Variants in C12orf42 observed in about 807,000 individuals in gnomAD.
C12orf42 encodes chromosome 12 open reading frame 42.
Under a neutral mutation model 21.6 loss-of-function variants are expected in C12orf42, and 25 were observed. That is an observed-to-expected ratio of 1.16 (90% CI 0.84 to 1.62). The LOEUF (loss-of-function observed/expected upper bound fraction) is 1.62, where lower values mean the gene tolerates loss of function less well. C12orf42 is among the 40% of genes most tolerant of loss of function. The probability of loss-of-function intolerance (pLI) is 0.00; values close to 1 mark genes in which losing one functional copy is unlikely to be tolerated. For missense variants in C12orf42, 483 were observed against 459.3 expected (o/e 1.05, Z -0.47); for synonymous variants, 174 against 175.0 (o/e 0.99, Z 0.05).
the C12orf42 span, among the ~76,000 whole-genome samples, chr12:103,122,770 G>A: frequency 6.6e-6 from 1 of 152,158 alleles, no homozygotes; most frequent in African/African-American, 2.4e-5. Context: ...TGACAGGAGA[G>A]TCTTGCAGAT....
chr12:103,484,079 G>A (rs915171449), intron 1 of C12orf42, among the ~76,000 whole-genome samples: 1 of 152,116 alleles, frequency 6.6e-6, no homozygotes, highest in Admixed American at 6.5e-5. Context: ...CATTTAGGTT[G>A]GTTCCAAGTC....
intron 3 of C12orf42, among the ~76,000 whole-genome samples, chr12:103,372,243 C>A (rs184408899): frequency 1.2e-4 from 18 of 152,244 alleles, no homozygotes; most frequent in African/African-American, 3.6e-4. Context: ...CTCTTTCTCA[C>A]ATTATCTTTC....
the C12orf42 span, among the ~76,000 whole-genome samples, chr12:103,518,296 A>T: frequency 2.0e-5 from 3 of 152,210 alleles, no homozygotes; most frequent in Admixed American, 2.0e-4. Context: ...AAGGAGCCAG[A>T]AACTGAAGCC....
At chr12:103,244,969 A>G (rs949181187) in intron 10 of C12orf42, among the ~76,000 whole-genome samples, 1 of 152,118 alleles carries the variant, frequency 6.6e-6, no homozygotes, top group Non-Finnish European at 1.5e-5. Context: ...AACATACTTA[A>G]AGAGTCAACA....
At chr12:103,266,695 C>T (rs2035188299), downstream of C12orf42, among the ~76,000 whole-genome samples, 1 of 152,022 alleles carries the variant, frequency 6.6e-6, no homozygotes, top group Admixed American at 6.6e-5. Flanking sequence ...CTTAATTTGA[C>T]TATTTAAACT....
At chr12:103,064,454 A>G in the C12orf42 span, among the ~76,000 whole-genome samples, 3 of 152,262 alleles carry the variant, frequency 2.0e-5, no homozygotes, top group Admixed American at 6.5e-5. Flanking sequence ...CAGTTTTCCT[A>G]GAAGTGAAAT....
chr12:103,066,818 G>A, the C12orf42 span, among the ~76,000 whole-genome samples: 10 of 152,222 alleles, frequency 6.6e-5, no homozygotes, highest in South Asian at 2.1e-4. Context: ...TCCCATGTGA[G>A]TTCTCACCAA....
At chr12:103,245,513 G>A (rs2033967797) in intron 10 of C12orf42, among the ~76,000 whole-genome samples, 1 of 151,984 alleles carries the variant, frequency 6.6e-6, no homozygotes, top group Non-Finnish European at 1.5e-5. Flanking sequence ...AACATAGAGA[G>A]TTATTTTTAA....
the C12orf42 span, among the ~76,000 whole-genome samples, chr12:103,228,497 G>T: frequency 6.6e-6 from 1 of 152,054 alleles, no homozygotes; most frequent in African/African-American, 2.4e-5. Flanking sequence ...GGCCATCTGG[G>T]CATATACGTG....
At chr12:103,455,524 T>C (rs1407217636) in intron 2 of C12orf42, among the ~76,000 whole-genome samples, 1 of 152,178 alleles carries the variant, frequency 6.6e-6, no homozygotes, top group Non-Finnish European at 1.5e-5. Flanking sequence ...TTATGCATCC[T>C]GGTTTGACAT....
the C12orf42 span, among the ~76,000 whole-genome samples, chr12:103,525,181 C>T: frequency 3.3e-5 from 5 of 152,018 alleles, no homozygotes; most frequent in Admixed American, 2.6e-4. Flanking sequence ...CCAGACCCAG[C>T]TAATTTTGTT....
chr12:103,152,008 T>C, the C12orf42 span: 2 of 152,224 alleles, frequency 1.3e-5, no homozygotes, highest in Non-Finnish European at 2.9e-5. Context: ...TCTCCTTTGC[T>C]GGCTTCAAAA....
At chr12:103,321,358 G>C (rs1247591563) in intron 4 of C12orf42, among the ~76,000 whole-genome samples, 1 of 149,096 alleles carries the variant, frequency 6.7e-6, no homozygotes, top group Non-Finnish European at 1.5e-5. Flanking sequence ...TAAAAAGTCA[G>C]GAAACAACAG....
Position 103,306,289 on chromosome 12 carries a change from G to C in C12orf42, c.316C>G (p.Gln106Glu), listed in dbSNP as rs190115385. The C allele has an allele frequency of 3.7e-6, 6 of 1,613,462 alleles. No individual in the cohort carries two copies. The Admixed American group carries it at 8.4e-5, about 22-fold the overall frequency. Residue 106 changes from glutamine (Q) to glutamate (E), a missense_variant, in exon 5 of 6, where the codon CAG becomes GAG. Gln to Glu is a conservative substitution (Grantham distance 29, BLOSUM62 2). Transcript: ENST00000548883. ...MACKRLLHTC[Q>E]YIVPRCSVST... The stretch of plus-strand genomic sequence containing the variant: ...ACAGAACACCTGGGGACTATGTACT[G>C]GCAAGTATGAAGTAGTCTTTTACAC...
the C12orf42 span, among the ~76,000 whole-genome samples, chr12:103,070,512 A>T: frequency 9.4e-6 from 1 of 105,880 alleles, no homozygotes; most frequent in Non-Finnish European, 1.9e-5. Flanking sequence ...ACCTACATAC[A>T]CATACACACA....
intron 5 of C12orf42, among the ~76,000 whole-genome samples, chr12:103,274,543 C>T (rs2035652602): frequency 6.6e-6 from 1 of 152,156 alleles, no homozygotes. Context: ...GTTACCCTTT[C>T]TCACTGTGGC....
intron 2 of C12orf42, among the ~76,000 whole-genome samples, chr12:103,446,145 A>T (rs1951561026): frequency 6.6e-6 from 1 of 152,056 alleles, no homozygotes. Context: ...AGAAAAACCT[A>T]TCAGAGCAAC....
chr12:103,250,103 C>G (rs956072188), intron 10 of C12orf42, among the ~76,000 whole-genome samples: 22 of 138,116 alleles, frequency 1.6e-4, no homozygotes, highest in African/African-American at 4.8e-4. Context: ...ATCTATCTAT[C>G]TATGTTTGAT....
At chr12:103,401,719 CT>C in intron 2 of C12orf42, 44 bp from the exon 3 acceptor site, 1 of 1,556,432 alleles carries the variant, frequency 6.4e-7, no homozygotes. Context: ...TTCAATAATT[CT>C]TACAAAGAAA....
Sources: gnomAD v4.1 joint callset for allele counts (sites outside exome capture counted in the v4.1 genomes callset) on GRCh38, gnomAD v4.1.1 for gene constraint, MANE v1.5 for transcripts, NCBI Gene and HGNC (gene_info 2026-07-23, HGNC 2026-07-21) for gene names.